MRC2: variants seen among roughly 807,000 people sequenced by gnomAD.
MRC2 encodes C-type mannose receptor 2.
In MRC2, 84 loss-of-function variants were observed where a neutral mutation model predicts 206.2. The ratio of observed to expected loss-of-function variants is 0.41; its 90% CI spans 0.34 to 0.49. The LOEUF (loss-of-function observed/expected upper bound fraction) is 0.49, where lower values mean the gene tolerates loss of function less well. Ranked by LOEUF, MRC2 falls within the 20% of genes least tolerant of loss-of-function variation. The probability of loss-of-function intolerance (pLI) is 0.31; values close to 1 mark genes in which losing one functional copy is unlikely to be tolerated. For synonymous variants in MRC2, 798 were observed against 800.0 expected, an observed-to-expected ratio of 1.00 and a Z score of 0.04; for missense variants, 1,676 against 2,001.5, an observed-to-expected ratio of 0.84 and a Z score of 3.10.
intron 1 of MRC2, among the ~76,000 whole-genome samples, chr17:62,635,973 G>C (rs1005416418): frequency 6.6e-6 from 1 of 151,694 alleles, no homozygotes. Context: ...GTTTTTAGTA[G>C]AGACAGGGTT....
At chr17:62,670,591 G>A (rs914822168) in intron 6 of MRC2, among the ~76,000 whole-genome samples, 2 of 152,248 alleles carry the variant, frequency 1.3e-5, no homozygotes, top group Non-Finnish European at 2.9e-5. Context: ...ACCAAGTAAG[G>A]GCTTGTTTGC....
Position 62,686,934 on chromosome 17 carries a change from G to A in MRC2, c.2947-1355G>A, listed in dbSNP as rs138603068. ...ATCTGCCATCTGCATCAGTAAGGAT[G>A]GTGCTGGAGCTAATTATTAATAGTC... is the stretch of plus-strand genomic sequence containing the variant. On this transcript the variant is annotated intron_variant, in intron 20 of 29. Transcript: ENST00000303375. 6.7e-3 allele frequency among the ~76,000 whole-genome samples: 1,018 copies of A among 152,294 alleles called. 23 individuals carry two copies. Among genetic ancestry groups the A allele is most frequent in the Admixed American group, 0.036 (548 of 15,304 alleles).
intron 1 of MRC2, among the ~76,000 whole-genome samples, chr17:62,661,088 A>G: frequency 6.6e-6 from 1 of 152,174 alleles, no homozygotes; most frequent in Non-Finnish European, 1.5e-5. Flanking sequence ...GAAATAATGC[A>G]TAGGCCCAGA....
At chr17:62,676,686 T>A in intron 11 of MRC2, 155 bp downstream of exon 11, 1 of 876,984 alleles carries the variant, frequency 1.1e-6, no homozygotes, top group Non-Finnish European at 1.7e-6. Context: ...CCAAACTGCC[T>A]GGCTCCGATC....
Position 62,667,153 on chromosome 17 carries a change from G to A in MRC2, c.974-237G>A, listed in dbSNP as rs1190563978. On this transcript the variant is annotated intron_variant, in intron 5 of 29. Transcript: ENST00000303375. This position sits in a 1 kb window ranked among gnomAD's most constrained non-coding sequence, Gnocchi z 4.1. The stretch of plus-strand genomic sequence containing the variant: ...GCGCACCCAGCAGCCTGGACGGGGA[G>A]GCCGGGGCGGGGCTGGTACTGGTTA... Among the ~76,000 whole-genome samples, 1 of 152,206 alleles carries A rather than the reference G, an allele frequency of 6.6e-6. No individual in the cohort carries two copies. Among genetic ancestry groups the A allele is most frequent in the East Asian group, 1.9e-4 (1 of 5,196 alleles).
At position 62,667,489 on chromosome 17, in the gene MRC2, T is replaced by C; in HGVS notation, c.1073T>C (p.Val358Ala). The part of the protein sequence containing the change: ...NRDCSIALPY[V>A]CKKKPNATAE... Reference sequence around the variant, plus strand: ...GACTGCAGCATCGCGCTGCCCTATGTGTGCAAGAAGAAGCCCAACGCCACG... The same window carrying C: ...GACTGCAGCATCGCGCTGCCCTATGCGTGCAAGAAGAAGCCCAACGCCACG... The change falls in exon 6 of 30, where the codon GTG (valine) becomes GCG (alanine). Residue 358 changes from valine to alanine, a missense_variant. By Grantham distance (64) the Val-to-Ala change is moderately conservative. Around this residue, in one of 3 missense-constraint regions of MRC2, gnomAD observed 1,354 missense variants for 1,636.6 expected, o/e 0.83. Coordinates refer to ENST00000303375, the MANE Select transcript of MRC2 (RefSeq NM_006039.5). This position sits in a 1 kb window ranked among gnomAD's most constrained non-coding sequence, Gnocchi z 4.1. 6.2e-7 allele frequency: 1 copy of C among 1,612,324 alleles called. No individual in the cohort carries two copies. Among genetic ancestry groups the C allele is most frequent in the Non-Finnish European group, 8.5e-7 (1 of 1,179,636 alleles).
chr17:62,644,834 ACT>A (rs778158397), intron 1 of MRC2, among the ~76,000 whole-genome samples: 2 of 150,666 alleles, frequency 1.3e-5, no homozygotes, highest in East Asian at 3.9e-4. Flanking sequence ...TGCGGGAGAG[ACT>A]CTCAAGGGTC....
At chr17:62,679,736 C>T in intron 13 of MRC2, 64 bp from the exon 14 acceptor site, 2 of 1,506,044 alleles carry the variant, frequency 1.3e-6, no homozygotes, top group Non-Finnish European at 1.8e-6. Flanking sequence ...ACAGGGGGCA[C>T]GTTTGGGTTC....
chr17:62,662,249 C>CA (rs36108581), intron 1 of MRC2, among the ~76,000 whole-genome samples: 17,849 of 118,906 alleles, frequency 0.15, 2,013 homozygotes, highest in African/African-American at 0.35. Flanking sequence ...GACTCTGTCT[C>CA]AAAAAAAAAA....
intron 8 of MRC2, 142 bp from the exon 9 acceptor site, chr17:62,673,921 A>G: frequency 1.5e-6 from 1 of 680,294 alleles, no homozygotes; most frequent in Non-Finnish European, 2.5e-6. Flanking sequence ...CGCCTTCCCC[A>G]TTGCACAGCT....
chr17:62,688,338 A>G lies in MRC2; in HGVS notation c.2996A>G (p.Glu999Gly), dbSNP rs1266508830. ...QEPQSRVKWS[E>G]AQFSCEQQEA... ...CCCCAGAGCCGGGTGAAGTGGTCAG[A>G]GGCACAGTTCTCCTGTGAACAGCAA... Residue 999 changes from glutamate (E) to glycine (G), a missense_variant, in exon 21 of 30, where the codon GAG becomes GGG. Transcript: ENST00000303375. 1 of 1,614,180 alleles carries G rather than the reference A, an allele frequency of 6.2e-7. No homozygotes were observed. The highest frequency in any genetic ancestry group is 1.1e-5 in the South Asian group (1 of 91,088).
In MRC2 at chr17:62,692,429, A is replaced by G; in HGVS notation, c.4418A>G (p.Glu1473Gly). 6.4e-7 allele frequency: 1 copy of G among 1,567,044 alleles called. No homozygotes were observed. Among genetic ancestry groups the G allele is most frequent in the East Asian group, 2.3e-5 (1 of 42,792 alleles). Residue 1473 changes from glutamate (E) to glycine (G), a missense_variant, in exon 30 of 30, where the codon GAA becomes GGA. Transcript: ENST00000303375. The surrounding 1 kb of genome is among the most constrained non-coding windows in gnomAD (Gnocchi z 4.2). ...AAGAACATCCTGGTGTCAGACATGG[A>G]AATGAATGAGCAACAAGAATAGAGC... ...TEKNILVSDM[E>G]MNEQQE is the part of the protein sequence containing the mutation.
At chr17:62,630,313 G>A (rs1227733566) in intron 1 of MRC2, among the ~76,000 whole-genome samples, 1 of 152,180 alleles carries the variant, frequency 6.6e-6, no homozygotes, top group Non-Finnish European at 1.5e-5. Context: ...GATGGTTATT[G>A]TTGGACCATT....
rs1446729041 is a variant in MRC2, at chr17:62,681,046, C to T, written c.2635-16C>T. 9 of 1,613,172 alleles carry T rather than the reference C, an allele frequency of 5.6e-6. No individual in the cohort carries two copies. Among genetic ancestry groups the T allele is most frequent in the East Asian group, 4.5e-5 (2 of 44,878 alleles). On this transcript the variant is annotated splice_polypyrimidine_tract_variant and intron_variant, in intron 17 of 29. Transcript: ENST00000303375. ...AGGGGGCTGCCTACCCACACCTGCCCGCCTGGCTTCTCCAGTTCTCCCGGG... is the reference window on the plus strand; with the variant it reads ...AGGGGGCTGCCTACCCACACCTGCCTGCCTGGCTTCTCCAGTTCTCCCGGG...
chr17:62,655,903 G>T (rs1277021689), intron 1 of MRC2, among the ~76,000 whole-genome samples: 1 of 152,020 alleles, frequency 6.6e-6, no homozygotes, highest in Non-Finnish European at 1.5e-5. Context: ...AAACGCATGA[G>T]GGCAGAGGCT....
At position 62,664,168 on chromosome 17, in the gene MRC2, C is replaced by T. The variant is rs1056316020; in HGVS notation, c.119-380C>T. On this transcript the variant is annotated intron_variant, in intron 1 of 29. Transcript: ENST00000303375. This position sits in a 1 kb window ranked among gnomAD's most constrained non-coding sequence, Gnocchi z 4.7. ...TAGAGACGGGGTTTCACCGTTTTAG[C>T]CGGGATGGTCTCGATCTCCTGACCT... Among the ~76,000 whole-genome samples, 2 of 151,714 alleles carry T rather than the reference C, an allele frequency of 1.3e-5. No homozygotes were observed. Among genetic ancestry groups the T allele is most frequent in the Admixed American group, 1.3e-4 (2 of 15,240 alleles).
chr17:62,690,079 C>T lies in MRC2; in HGVS notation c.3742+17C>T. On this transcript the variant is annotated intron_variant, in intron 25 of 29. Coordinates refer to ENST00000303375, the MANE Select transcript of MRC2 (RefSeq NM_006039.5). ...TTAGCAGTGGTGAGTGCCCACCTGC[C>T]AGGGCGGGGGCATGGGCAAGCTGTC... 1 of 1,585,702 alleles carries T rather than the reference C, an allele frequency of 6.3e-7. No individual in the cohort carries two copies. Among genetic ancestry groups the T allele is most frequent in the Non-Finnish European group, 8.6e-7 (1 of 1,163,804 alleles).
intron 1 of MRC2, among the ~76,000 whole-genome samples, chr17:62,649,876 T>C (rs1301149302): frequency 6.6e-6 from 1 of 151,370 alleles, no homozygotes; most frequent in African/African-American, 2.4e-5. Flanking sequence ...ACAGCCTTCT[T>C]GTCATTCTTT....
chr17:62,644,312 G>T (rs1432205030), intron 1 of MRC2, among the ~76,000 whole-genome samples: 1 of 152,040 alleles, frequency 6.6e-6, no homozygotes, highest in East Asian at 1.9e-4. Flanking sequence ...TCAGCTACTC[G>T]AGAGGCTGAG....
Sources: allele counts gnomAD v4.1 joint callset (sites outside exome capture counted in the v4.1 genomes callset), GRCh38; gene constraint gnomAD v4.1.1; regional missense constraint gnomAD v4.1.1; non-coding constraint Gnocchi (gnomAD v3.1); transcripts MANE v1.5; gene names NCBI Gene and HGNC (gene_info 2026-07-23, HGNC 2026-07-21).